KCNK5: variants seen among roughly 807,000 people sequenced by gnomAD.
The protein encoded by KCNK5 is potassium two pore domain channel subfamily K member 5.
Under a neutral mutation model 32.9 loss-of-function variants are expected in KCNK5, and 18 were observed. That is an observed-to-expected ratio of 0.55 (90% CI 0.38 to 0.81). The LOEUF is 0.81. KCNK5 is among the 30% of genes least tolerant of loss of function. The pLI is 0.00. For synonymous variants in KCNK5, 276 were observed against 275.3 expected (o/e 1.00, Z -0.03); for missense variants, 507 against 651.0 (o/e 0.78, Z 2.41).
At chr6:39,202,610 A>G (rs1446564640) in intron 1 of KCNK5, among the ~76,000 whole-genome samples, 16 of 152,204 alleles carry the variant, frequency 1.1e-4, no homozygotes, top group Admixed American at 1.0e-3. Flanking sequence ...GGGAAACTCC[A>G]CGAGGGCAGT....
chr6:39,196,212 C>T (rs1463320070), intron 1 of KCNK5, among the ~76,000 whole-genome samples: 1 of 152,192 alleles, frequency 6.6e-6, no homozygotes, highest in African/African-American at 2.4e-5. Context: ...AAAGTTCATT[C>T]TTTCACTGAG....
chr6:39,202,034 C>T (rs995780907), intron 1 of KCNK5, among the ~76,000 whole-genome samples: 8 of 152,146 alleles, frequency 5.3e-5, no homozygotes, highest in Non-Finnish European at 1.0e-4. Context: ...AGGCAATATC[C>T]ACAGACATGC....
At chr6:39,206,866 A>G (rs1771234411) in intron 1 of KCNK5, among the ~76,000 whole-genome samples, 1 of 152,230 alleles carries the variant, frequency 6.6e-6, no homozygotes, top group East Asian at 1.9e-4. Context: ...TGAACAGCTC[A>G]GTGCTGGGCA....
At position 39,189,513 on chromosome 6, in the gene KCNK5, C is replaced by T. The variant is rs1197860833; in HGVS notation, c.*1377G>A. On this transcript the variant is annotated 3_prime_UTR_variant, in exon 5 of 5. Transcript: ENST00000359534. ...GCTCTTTAACCACTGGCTCTGAAGC[C>T]AACAACAGATTCCAGGTATATAAAA... is the stretch of plus-strand genomic sequence containing the variant. The T allele has an allele frequency of 6.6e-6, 1 of 152,502 alleles. No homozygotes were observed. The highest frequency in any genetic ancestry group is 1.5e-5 in the Non-Finnish European group (1 of 68,020). The allele number at this position is 152,502 out of a possible 1,614,324, so 9.4% of individuals were successfully genotyped here.
Position 39,215,852 on chromosome 6 carries a change from G to C in KCNK5, c.186+13074C>G, listed in dbSNP as rs188267425. ...CTGACCACAAACCTGTCAAGCAGCAGGCGTTAGAAGCAGTAAACAAAAGTC... is the reference window on the plus strand; with the variant it reads ...CTGACCACAAACCTGTCAAGCAGCACGCGTTAGAAGCAGTAAACAAAAGTC... On this transcript the variant is annotated intron_variant, in intron 1 of 4. Transcript: ENST00000359534. Among the ~76,000 whole-genome samples, 45 of 152,320 alleles carry C rather than the reference G, an allele frequency of 3.0e-4. 3 individuals are homozygous for C. Among genetic ancestry groups the C allele is most frequent in the African/African-American group, 1.0e-3 (42 of 41,578 alleles).
At chr6:39,208,355 C>G (rs1771265658) in intron 1 of KCNK5, among the ~76,000 whole-genome samples, 1 of 152,202 alleles carries the variant, frequency 6.6e-6, no homozygotes, top group Admixed American at 6.5e-5. Flanking sequence ...CCCACCCAAA[C>G]CGGGCCCCCA....
intron 1 of KCNK5, 26 bp from the exon 2 acceptor site, chr6:39,196,013 G>C: frequency 6.5e-7 from 1 of 1,539,618 alleles, no homozygotes; most frequent in South Asian, 1.2e-5. Context: ...GTAAAGGTCA[G>C]AGCTGAGGCC....
chr6:39,203,360 A>G (rs1480547237), intron 1 of KCNK5, among the ~76,000 whole-genome samples: 1 of 152,238 alleles, frequency 6.6e-6, no homozygotes. Flanking sequence ...GGCAGAGGGA[A>G]ACGGGCAAGC....
intron 1 of KCNK5, among the ~76,000 whole-genome samples, chr6:39,214,466 C>T (rs892937287): frequency 1.3e-5 from 2 of 152,128 alleles, no homozygotes; most frequent in Non-Finnish European, 2.9e-5. Context: ...CAGATTGTTT[C>T]CCAGGAGGTG....
At chr6:39,204,174 C>A (rs1321678207) in intron 1 of KCNK5, among the ~76,000 whole-genome samples, 1 of 152,250 alleles carries the variant, frequency 6.6e-6, no homozygotes, top group East Asian at 1.9e-4. Context: ...TTGCTTATCT[C>A]TTTTCTCAGA....
intron 1 of KCNK5, among the ~76,000 whole-genome samples, chr6:39,223,508 A>G (rs1771597813): frequency 6.6e-6 from 1 of 152,214 alleles, no homozygotes; most frequent in South Asian, 2.1e-4. Context: ...GGAAGGAGGC[A>G]AACCTATTTC....
chr6:39,191,241 GTC>G lies in KCNK5; in HGVS notation c.1147_1148del (p.Asp383GlnfsTer71). 1 of 1,614,164 alleles carries G rather than the reference GTC, an allele frequency of 6.2e-7. No homozygotes were observed. The highest frequency in any genetic ancestry group is 8.5e-7 in the Non-Finnish European group (1 of 1,180,032). On this transcript the variant is annotated frameshift_variant, in exon 5 of 5. Coordinates refer to ENST00000359534, the MANE Select transcript of KCNK5 (RefSeq NM_003740.4). LOFTEE classifies it high-confidence loss of function. The surrounding 1 kb of genome is among the most constrained non-coding windows in gnomAD (Gnocchi z 5.8). ...TGAACACCTCGGGGGCAGGGGAGCTGTCTTCAGGGGCCCGTGCCACAGCCTCC... is the reference window on the plus strand; with the variant it reads ...TGAACACCTCGGGGGCAGGGGAGCTGTTCAGGGGCCCGTGCCACAGCCTCC... ...DEEAVARAPE[D>X]SSPAPEVFMN...
At chr6:39,214,575 T>C (rs1249676470) in intron 1 of KCNK5, among the ~76,000 whole-genome samples, 2 of 152,186 alleles carry the variant, frequency 1.3e-5, no homozygotes, top group African/African-American at 2.4e-5. Context: ...CACGGCTTCA[T>C]GGTTCAGGAC....
chr6:39,199,898 G>A (rs2113783093), intron 1 of KCNK5, among the ~76,000 whole-genome samples: 1 of 152,368 alleles, frequency 6.6e-6, no homozygotes, highest in South Asian at 2.1e-4. Context: ...CTTGGCAGAG[G>A]AGGAAAGCCA....
chr6:39,218,532 T>C (rs1176911197), intron 1 of KCNK5, among the ~76,000 whole-genome samples: 1 of 151,866 alleles, frequency 6.6e-6, no homozygotes, highest in East Asian at 1.9e-4. Context: ...ATCTAGTGAA[T>C]GGGATGGCAT....
chr6:39,224,541 G>C (rs1275968373), intron 1 of KCNK5, among the ~76,000 whole-genome samples: 5 of 152,178 alleles, frequency 3.3e-5, no homozygotes, highest in Admixed American at 2.6e-4. Flanking sequence ...CTTTGGACTG[G>C]AGTGTGTATA....
chr6:39,229,301 G>A lies in KCNK5; in HGVS notation c.-190C>T, dbSNP rs1771728707. ...GGCCAAGTTGGCCCACGGAGTGCGGGGAGCTGCGTGGGGCCCCACTCACGC... is the reference window on the plus strand; with the variant it reads ...GGCCAAGTTGGCCCACGGAGTGCGGAGAGCTGCGTGGGGCCCCACTCACGC... On this transcript the variant is annotated 5_prime_UTR_variant, in exon 1 of 5. Coordinates refer to ENST00000359534, the MANE Select transcript of KCNK5 (RefSeq NM_003740.4). 2.9e-6 allele frequency: 2 copies of A among 682,078 alleles called. No homozygotes were observed. Among genetic ancestry groups the A allele is most frequent in the Non-Finnish European group, 4.8e-6 (2 of 414,688 alleles). The allele number at this position is 682,078 out of a possible 1,614,324, so 42.3% of individuals were successfully genotyped here. A position where few individuals can be genotyped will look rare whatever the true frequency, so the allele number is the denominator to read the frequency against.
intron 1 of KCNK5, among the ~76,000 whole-genome samples, chr6:39,198,539 T>C (rs1352501585): frequency 6.6e-6 from 1 of 152,230 alleles, no homozygotes; most frequent in Non-Finnish European, 1.5e-5. Flanking sequence ...GTTTAAGTCT[T>C]ATACTTTGGA....
At chr6:39,203,286 C>G (rs1042440894) in intron 1 of KCNK5, among the ~76,000 whole-genome samples, 5 of 152,222 alleles carry the variant, frequency 3.3e-5, no homozygotes, top group Admixed American at 2.6e-4. Flanking sequence ...TCCCTCAGGC[C>G]ACATGGAGGA....
Sources: allele counts gnomAD v4.1 joint callset (sites outside exome capture counted in the v4.1 genomes callset), GRCh38; gene constraint gnomAD v4.1.1; non-coding constraint Gnocchi (gnomAD v3.1); transcripts MANE v1.5; gene names NCBI Gene and HGNC (gene_info 2026-07-23, HGNC 2026-07-21).